The following PCBP3 variants were observed in gnomAD, a reference collection of about 807,000 sequenced individuals.
PCBP3 encodes poly(rC)-binding protein 3.
Under a neutral mutation model 52.7 loss-of-function variants are expected in PCBP3, and 25 were observed. The ratio of observed to expected loss-of-function variants is 0.47; its 90% CI spans 0.35 to 0.66. PCBP3 has a LOEUF of 0.66. Ranked by LOEUF, PCBP3 falls within the 30% of genes least tolerant of loss-of-function variation. The pLI is 0.01. For missense variants in PCBP3, 391 were observed against 490.3 expected (o/e 0.80, Z 1.91); for synonymous variants, 162 against 183.0 (o/e 0.89, Z 0.93).
chr21:45,886,223 G>T lies in PCBP3; in HGVS notation c.11-9985G>T, dbSNP rs77449245. Among the ~76,000 whole-genome samples the T allele has an allele frequency of 3.3e-4, 33 of 99,554 alleles. 1 individual carries two copies. The highest frequency in any genetic ancestry group is 1.1e-3 in the African/African-American group (27 of 24,044). The allele number at this position is 99,554 out of a possible 152,430, so 65.3% of individuals were successfully genotyped here. A position where few individuals can be genotyped will look rare whatever the true frequency, so the allele number is the denominator to read the frequency against. The stretch of plus-strand genomic sequence containing the variant: ...TGAGGTGTGGAGGCCTCATTGCTGC[G>T]GGTGCCAAGGGCAGAGGATGTGGTG... On this transcript the variant is annotated intron_variant, in intron 5 of 17. Transcript: ENST00000681687.
At chr21:45,873,836 C>G (rs2095137217) in intron 5 of PCBP3, among the ~76,000 whole-genome samples, 1 of 152,236 alleles carries the variant, frequency 6.6e-6, no homozygotes, top group Admixed American at 6.5e-5. Context: ...CGCTCTGTCA[C>G]CTAGGCTGCA....
At chr21:45,662,171 G>A (rs1037960748) in intron 1 of PCBP3, among the ~76,000 whole-genome samples, 2 of 149,912 alleles carry the variant, frequency 1.3e-5, no homozygotes, top group Non-Finnish European at 3.0e-5. Context: ...TGTTATTGTT[G>A]ATCTCGGTTC....
At chr21:45,841,206 C>G (rs1335467608) in intron 4 of PCBP3, among the ~76,000 whole-genome samples, 1 of 152,212 alleles carries the variant, frequency 6.6e-6, no homozygotes, top group African/African-American at 2.4e-5. Context: ...GACTGTGTGT[C>G]TCCCCACGCT....
At chr21:45,775,133 C>G (rs779668223) in intron 4 of PCBP3, among the ~76,000 whole-genome samples, 1 of 152,046 alleles carries the variant, frequency 6.6e-6, no homozygotes, top group African/African-American at 2.4e-5. Context: ...GTGAATTCAC[C>G]TGGACCTGGA....
At chr21:45,646,083 T>TTTCTC (rs1569069931) in intron 1 of PCBP3, among the ~76,000 whole-genome samples, 62 of 99,558 alleles carry the variant, frequency 6.2e-4, no homozygotes, top group Non-Finnish European at 9.3e-4. Context: ...CTCTCTCTCT[T>TTTCTC]TCTCTCTCTC....
chr21:45,682,244 A>G (rs186255710), intron 2 of PCBP3, among the ~76,000 whole-genome samples: 2 of 152,310 alleles, frequency 1.3e-5, no homozygotes, highest in Non-Finnish European at 2.9e-5. Context: ...ATGAACACCC[A>G]GGGAATTCAC....
intron 4 of PCBP3, among the ~76,000 whole-genome samples, chr21:45,795,437 A>G (rs896712628): frequency 7.2e-5 from 11 of 152,172 alleles, no homozygotes; most frequent in Non-Finnish European, 1.6e-4. Flanking sequence ...AAAAGCAGAA[A>G]TCATAAAGTG....
intron 4 of PCBP3, among the ~76,000 whole-genome samples, chr21:45,778,715 C>T (rs543991997): frequency 6.6e-6 from 1 of 152,230 alleles, no homozygotes; most frequent in African/African-American, 2.4e-5. Flanking sequence ...TGCCTGGGAC[C>T]CTGGGCTACA....
Position 45,896,120 on chromosome 21 carries a change from G to A in PCBP3, c.11-88G>A, listed in dbSNP as rs913170209. The A allele has an allele frequency of 5.5e-6, 7 of 1,279,622 alleles. No homozygotes were observed. The Admixed American group carries it at 1.5e-4, about 27-fold the overall frequency. 79.3% of individuals were successfully genotyped at this position (1,279,622 alleles called of 1,614,324 possible). A position where few individuals can be genotyped will look rare whatever the true frequency, so the allele number is the denominator to read the frequency against. On this transcript the variant is annotated intron_variant, in intron 5 of 17. Transcript: ENST00000681687. Reference sequence around the variant, plus strand: ...AACCCCATTCTCCTGCCACCCGGGAGGCCGGAGTGGGAGCGGCCCAGGACA... The same window carrying A: ...AACCCCATTCTCCTGCCACCCGGGAAGCCGGAGTGGGAGCGGCCCAGGACA...
rs2147296532 is a variant in PCBP3 at position 45,817,975 on chromosome 21, T to C, written c.-125-31986T>C. Among the ~76,000 whole-genome samples the C allele has an allele frequency of 6.6e-6, 1 of 152,314 alleles. No individual in the cohort carries two copies. The highest frequency in any genetic ancestry group is 2.1e-4 in the South Asian group (1 of 4,830). On this transcript the variant is annotated intron_variant, in intron 4 of 17. Coordinates refer to ENST00000681687, the MANE Select transcript of PCBP3 (RefSeq NM_001384156.1). This position sits in a 1 kb window ranked among gnomAD's most constrained non-coding sequence, Gnocchi z 4.3. ...CTCATACAGAGCTTCTCCTGTTACG[T>C]ACATCTTGCCTCAAGTGTGGTACAG... is the stretch of plus-strand genomic sequence containing the variant.
At chr21:45,913,840 G>C (rs1043883986) in intron 11 of PCBP3, 111 bp from the exon 12 acceptor site, 4 of 956,986 alleles carry the variant, frequency 4.2e-6, no homozygotes, top group African/African-American at 1.6e-5. Context: ...GGTGTGGGGA[G>C]CGTGGAGCTG....
At chr21:45,891,608 C>T (rs1444921115) in intron 5 of PCBP3, among the ~76,000 whole-genome samples, 1 of 152,156 alleles carries the variant, frequency 6.6e-6, no homozygotes, top group East Asian at 1.9e-4. Flanking sequence ...CACAGGGGAC[C>T]AAGGACTGCA....
chr21:45,673,731 G>A (rs187898381), intron 2 of PCBP3: 8 of 152,056 alleles, frequency 5.3e-5, no homozygotes, highest in East Asian at 1.9e-4. Flanking sequence ...AAGTACTTTC[G>A]GAAGGTAAAT....
In PCBP3 at chr21:45,904,761, G is replaced by T. The variant is rs1426825879; in HGVS notation, c.339+3648G>T. On this transcript the variant is annotated intron_variant, in intron 9 of 17. Coordinates refer to ENST00000681687, the MANE Select transcript of PCBP3 (RefSeq NM_001384156.1). This position sits in a 1 kb window ranked among gnomAD's most constrained non-coding sequence, Gnocchi z 4.8. ...AACACTGGTTAAAATCTACCTGAAG[G>T]TGCTCAGAGGGCCCTTGAGTCGTCG... Among the ~76,000 whole-genome samples, 1 of 152,142 alleles carries T rather than the reference G, an allele frequency of 6.6e-6. No homozygotes were observed. The highest frequency in any genetic ancestry group is 1.5e-5 in the Non-Finnish European group (1 of 68,030).
intron 2 of PCBP3, among the ~76,000 whole-genome samples, chr21:45,696,980 GA>G: frequency 6.6e-6 from 1 of 152,306 alleles, no homozygotes; most frequent in South Asian, 2.1e-4. Flanking sequence ...GAAAAAGACA[GA>G]AAATGGCAAG....
At chr21:45,885,522 A>T (rs2095497314) in intron 5 of PCBP3, among the ~76,000 whole-genome samples, 1 of 152,054 alleles carries the variant, frequency 6.6e-6, no homozygotes, top group Non-Finnish European at 1.5e-5. Flanking sequence ...TAAGGACATG[A>T]ATGTTAGGTC....
At chr21:45,930,086 A>C (rs2075979322) in intron 14 of PCBP3, 91 bp downstream of exon 14, 1 of 723,442 alleles carries the variant, frequency 1.4e-6, no homozygotes, top group Admixed American at 2.3e-5. Context: ...TGCATAGAAC[A>C]GGTGCAGTTG....
chr21:45,749,073 T>C (rs1478929854), intron 3 of PCBP3, among the ~76,000 whole-genome samples: 4 of 152,168 alleles, frequency 2.6e-5, no homozygotes, highest in Admixed American at 6.5e-5. Flanking sequence ...ATCATTATTA[T>C]GTTCCCTGCA....
chr21:45,669,676 A>T (rs2081021900), intron 2 of PCBP3, among the ~76,000 whole-genome samples: 1 of 151,330 alleles, frequency 6.6e-6, no homozygotes, highest in South Asian at 2.1e-4. Flanking sequence ...AGTCATAAAT[A>T]TTTTTCCTTT....
Sources: allele counts gnomAD v4.1 joint callset (sites outside exome capture counted in the v4.1 genomes callset), GRCh38; gene constraint gnomAD v4.1.1; non-coding constraint Gnocchi (gnomAD v3.1); transcripts MANE v1.5; gene names NCBI Gene and HGNC (gene_info 2026-07-23, HGNC 2026-07-21).